Variants in MTUS2 observed in about 807,000 individuals in gnomAD.
The protein encoded by MTUS2 is microtubule associated scaffold protein 2.
A neutral mutation model predicts 114.1 loss-of-function variants in MTUS2; 40 were observed. That is an observed-to-expected ratio of 0.35 (90% CI 0.27 to 0.46). MTUS2 has a LOEUF of 0.46. MTUS2 is among the 20% of genes least tolerant of loss of function. MTUS2 has a pLI of 1.00. For synonymous variants in MTUS2, 688 were observed against 672.0 expected (o/e 1.02, Z -0.37); for missense variants, 1,679 against 1,705.4 (o/e 0.98, Z 0.27).
chr13:28,906,844 G>C (rs1020809976), intron 2 of MTUS2, among the ~76,000 whole-genome samples: 3 of 151,588 alleles, frequency 2.0e-5, no homozygotes, highest in African/African-American at 7.3e-5. Context: ...TGTTATCCAG[G>C]AGAACTTCCC....
At chr13:28,835,724 C>T (rs1470218879) in intron 1 of MTUS2, among the ~76,000 whole-genome samples, 1 of 152,134 alleles carries the variant, frequency 6.6e-6, no homozygotes, top group African/African-American at 2.4e-5. Flanking sequence ...TAGTTCCCCC[C>T]AAGGCAGGTG....
At chr13:29,010,611 G>A (rs556716734) in intron 2 of MTUS2, among the ~76,000 whole-genome samples, 61 of 152,008 alleles carry the variant, frequency 4.0e-4, no homozygotes, top group Middle Eastern at 3.4e-3. Context: ...CAGCCTGTCC[G>A]TCTGCTTGGG....
intron 5 of MTUS2, among the ~76,000 whole-genome samples, chr13:29,251,292 G>GATGATAATAATAATA (rs143398382): frequency 2.7e-5 from 4 of 146,488 alleles, no homozygotes; most frequent in African/African-American, 1.0e-4. Context: ...ATGGGATGAT[G>GATGATAATAATAATA]ATAATAATAA....
At chr13:29,135,021 T>C (rs1396495182) in intron 5 of MTUS2, among the ~76,000 whole-genome samples, 7 of 152,240 alleles carry the variant, frequency 4.6e-5, no homozygotes, top group Admixed American at 6.5e-5. Context: ...AAATATTAAA[T>C]GGACACTTTC....
intron 3 of MTUS2, among the ~76,000 whole-genome samples, chr13:29,032,170 A>G (rs1026403136): frequency 6.6e-6 from 1 of 152,174 alleles, no homozygotes; most frequent in African/African-American, 2.4e-5. Context: ...TGCACAGACT[A>G]GACATCAAAG....
At chr13:28,978,963 T>C (rs989513294) in intron 2 of MTUS2, among the ~76,000 whole-genome samples, 3 of 152,154 alleles carry the variant, frequency 2.0e-5, no homozygotes, top group Non-Finnish European at 4.4e-5. Context: ...AATGACTGTC[T>C]CTGCATAGGG....
At chr13:29,134,899 A>T (rs1461064343) in intron 5 of MTUS2, among the ~76,000 whole-genome samples, 2 of 152,138 alleles carry the variant, frequency 1.3e-5, no homozygotes, top group African/African-American at 2.4e-5. Flanking sequence ...ACTTTTTATT[A>T]ATATATACAA....
chr13:29,202,482 A>T lies in MTUS2; in HGVS notation c.2645-79222A>T, dbSNP rs79876174. On this transcript the variant is annotated intron_variant, in intron 5 of 15. Transcript: ENST00000612955. ...CTTTAGCTCATAGGACATTGGTATT[A>T]CACACCTTCTGAAGCCTCCTTCTGT... 2.5e-3 allele frequency among the ~76,000 whole-genome samples: 373 copies of T among 152,224 alleles called. 9 individuals are homozygous for T. In the East Asian group the frequency reaches 0.062, roughly 25 times the overall value.
intron 2 of MTUS2, among the ~76,000 whole-genome samples, chr13:28,894,321 GGA>G (rs1879128020): frequency 1.8e-5 from 1 of 54,600 alleles, no homozygotes; most frequent in Non-Finnish European, 3.7e-5. Context: ...GGGGAGGGAG[GGA>G]GGGAGGGAGA....
intron 4 of MTUS2, among the ~76,000 whole-genome samples, chr13:29,078,553 A>G (rs1889299688): frequency 6.6e-6 from 1 of 152,240 alleles, no homozygotes; most frequent in African/African-American, 2.4e-5. Flanking sequence ...TTTTTAGTAT[A>G]TTCACAGAAT....
chr13:29,099,476 C>G (rs1890318660), intron 4 of MTUS2, among the ~76,000 whole-genome samples: 1 of 142,932 alleles, frequency 7.0e-6, no homozygotes, highest in South Asian at 2.4e-4. Flanking sequence ...TTCTATGTAC[C>G]ATTTAGACCC....
intron 2 of MTUS2, among the ~76,000 whole-genome samples, chr13:29,023,502 T>G (rs1013193198): frequency 1.3e-5 from 2 of 152,200 alleles, no homozygotes; most frequent in African/African-American, 4.8e-5. Context: ...TCGAATCATT[T>G]GAGAATAAGT....
intron 5 of MTUS2, among the ~76,000 whole-genome samples, chr13:29,219,744 C>A (rs2139316629): frequency 6.6e-6 from 1 of 152,352 alleles, no homozygotes; most frequent in East Asian, 1.9e-4. Flanking sequence ...TCCATCAGTA[C>A]TTGCTGCTTC....
intron 8 of MTUS2, 146 bp from the exon 9 acceptor site, chr13:29,439,837 T>C: frequency 2.9e-6 from 2 of 695,696 alleles, no homozygotes; most frequent in Non-Finnish European, 4.9e-6. Flanking sequence ...TTTGTAAGTT[T>C]TTACATGCTT....
intron 1 of MTUS2, among the ~76,000 whole-genome samples, chr13:28,826,361 G>GT (rs1157796712): frequency 1.3e-5 from 2 of 152,132 alleles, no homozygotes; most frequent in East Asian, 3.8e-4. Flanking sequence ...AGACGAGACT[G>GT]TTTATCTGTT....
chr13:29,350,644 G>A (rs533261041), intron 7 of MTUS2, among the ~76,000 whole-genome samples: 11 of 151,964 alleles, frequency 7.2e-5, no homozygotes, highest in East Asian at 1.9e-4. Context: ...GTTTTAGTCC[G>A]CTTGGGCTGC....
chr13:29,120,860 G>A (rs747196452), intron 5 of MTUS2, among the ~76,000 whole-genome samples: 2 of 152,190 alleles, frequency 1.3e-5, no homozygotes, highest in Non-Finnish European at 2.9e-5. Flanking sequence ...AAAGATGAAA[G>A]AAGGTTGTAT....
At chr13:29,038,874 A>T (rs982209794) in intron 4 of MTUS2, among the ~76,000 whole-genome samples, 47 of 152,302 alleles carry the variant, frequency 3.1e-4, no homozygotes, top group African/African-American at 9.9e-4. Flanking sequence ...AGCCTCAGGA[A>T]TTGCCCCTCC....
At chr13:29,103,267 G>A (rs762711091) in intron 5 of MTUS2, among the ~76,000 whole-genome samples, 26 of 152,124 alleles carry the variant, frequency 1.7e-4, no homozygotes, top group Non-Finnish European at 3.1e-4. Flanking sequence ...TCATCGTGGC[G>A]CAAACATCAT....
Sources: gnomAD v4.1 joint callset for allele counts (sites outside exome capture counted in the v4.1 genomes callset) on GRCh38, gnomAD v4.1.1 for gene constraint, MANE v1.5 for transcripts, NCBI Gene and HGNC (gene_info 2026-07-23, HGNC 2026-07-21) for gene names.